The following KLHL5 variants were observed in gnomAD, a reference collection of about 807,000 sequenced individuals.
KLHL5 encodes kelch like family member 5.
KLHL5 carries 48 observed loss-of-function variants against 77.7 expected under a neutral mutation model. That is an observed-to-expected ratio of 0.62 (90% confidence interval 0.49 to 0.79). The LOEUF (loss-of-function observed/expected upper bound fraction) is 0.79, where lower values mean the gene tolerates loss of function less well. Ranked by LOEUF, KLHL5 falls within the 30% of genes least tolerant of loss-of-function variation. The pLI is 0.00. For synonymous variants in KLHL5, 260 were observed against 297.0 expected, an observed-to-expected ratio of 0.88 and a Z score of 1.28; for missense variants, 723 against 859.7, an observed-to-expected ratio of 0.84 and a Z score of 1.99.
intron 1 of KLHL5, among the ~76,000 whole-genome samples, chr4:39,074,867 C>T (rs1032083340): frequency 6.6e-5 from 10 of 152,152 alleles, no homozygotes; most frequent in Non-Finnish European, 1.3e-4. Flanking sequence ...ATGGCACAGT[C>T]ACTGGTTTTA....
intron 4 of KLHL5, among the ~76,000 whole-genome samples, chr4:39,083,642 C>T (rs568526783): frequency 2.0e-5 from 3 of 152,252 alleles, no homozygotes; most frequent in East Asian, 1.9e-4. Flanking sequence ...AACCATACAC[C>T]TGCAGTTTCA....
At chr4:39,078,417 G>A (rs1305146448) in intron 2 of KLHL5, among the ~76,000 whole-genome samples, 1 of 150,790 alleles carries the variant, frequency 6.6e-6, no homozygotes, top group African/African-American at 2.4e-5. Flanking sequence ...AATAGGCCAG[G>A]CTTGGTAGGC....
intron 4 of KLHL5, among the ~76,000 whole-genome samples, chr4:39,082,589 A>G (rs1371660663): frequency 6.6e-6 from 1 of 152,222 alleles, no homozygotes. Context: ...AAATCTGACT[A>G]TGTATAAACT....
chr4:39,071,504 T>C (rs1021313874), intron 1 of KLHL5, among the ~76,000 whole-genome samples: 3 of 152,216 alleles, frequency 2.0e-5, no homozygotes, highest in Non-Finnish European at 4.4e-5. Context: ...GGCCATGGTG[T>C]GTATTGTGTG....
chr4:39,085,428 A>G lies in KLHL5; in HGVS notation c.901-1087A>G, dbSNP rs1273838787. On this transcript the variant is annotated intron_variant, in intron 4 of 10. Coordinates refer to ENST00000504108, the MANE Select transcript of KLHL5 (RefSeq NM_015990.5). ...ATAGTTATTGATAGTCCTTATTTCTAGCTCTAATTTAAACAGCTTTAGCTT... is the reference window on the plus strand; with the variant it reads ...ATAGTTATTGATAGTCCTTATTTCTGGCTCTAATTTAAACAGCTTTAGCTT... Among the ~76,000 whole-genome samples the G allele has an allele frequency of 2.0e-5, 3 of 152,172 alleles. No individual in the cohort carries two copies. In the East Asian group the frequency reaches 5.8e-4, roughly 29 times the overall value.
intron 1 of KLHL5, chr4:39,063,784 A>G (rs1269564794): frequency 1.1e-5 from 2 of 176,386 alleles, no homozygotes; most frequent in African/African-American, 4.7e-5. Context: ...GAAAGAAAAT[A>G]AGGAAAAAAA....
intron 1 of KLHL5, chr4:39,045,165 C>A (rs2110094470): frequency 1.0e-6 from 1 of 984,152 alleles, no homozygotes; most frequent in East Asian, 1.1e-4. Flanking sequence ...CCCGCCCCCA[C>A]GCGACTCTCA....
In KLHL5 at chr4:39,125,025, C is replaced by T. The variant is rs1723449863; in HGVS notation, c.*3959C>T. ...GCAAAGGACTTAAATAGACATTTCTCTAATGAAGATATACAAATGGCCGAC... is the reference window on the plus strand; with the variant it reads ...GCAAAGGACTTAAATAGACATTTCTTTAATGAAGATATACAAATGGCCGAC... On this transcript the variant is annotated 3_prime_UTR_variant, in exon 11 of 11. Coordinates refer to ENST00000504108, the MANE Select transcript of KLHL5 (RefSeq NM_015990.5). Among the ~76,000 whole-genome samples the T allele has an allele frequency of 1.3e-5, 2 of 152,050 alleles. No homozygotes were observed. Among genetic ancestry groups the T allele is most frequent in the Admixed American group, 1.3e-4 (2 of 15,244 alleles).
At chr4:39,140,293 C>G in the KLHL5 span, among the ~76,000 whole-genome samples, 1 of 152,122 alleles carries the variant, frequency 6.6e-6, no homozygotes, top group Non-Finnish European at 1.5e-5. Flanking sequence ...AATCCTTTCG[C>G]TATAAAGGAC....
At position 39,086,777 on chromosome 4, in the gene KLHL5, A is replaced by G. The variant is rs372768575; in HGVS notation, c.1113+50A>G. The G allele has an allele frequency of 3.7e-6, 5 of 1,355,064 alleles. No individual in the cohort carries two copies. The African/African-American group carries it at 7.2e-5, about 20-fold the overall frequency. The allele number at this position is 1,355,064 out of a possible 1,614,324, so 83.9% of individuals were successfully genotyped here. On this transcript the variant is annotated intron_variant, in intron 5 of 10. Transcript: ENST00000504108. ...GGAATTTTTCTTTGCCTATTCTATC[A>G]AAGAAAATAATTGTACATGTATTCC...
At position 39,113,183 on chromosome 4, in the gene KLHL5, G is replaced by A. The variant is rs1722584371; in HGVS notation, c.1852G>A (p.Asp618Asn). ...NGLLYAIGGHDAPASNLTSRL... is the reference protein window; with the variant it reads ...NGLLYAIGGHNAPASNLTSRL... Reference sequence around the variant, plus strand: ...ACTGCTGTATGCTATAGGGGGGCACGATGCTCCCGCATCCAACTTGACTTC... The same window carrying A: ...ACTGCTGTATGCTATAGGGGGGCACAATGCTCCCGCATCCAACTTGACTTC... Residue 618 changes from aspartate to asparagine, a missense_variant, in exon 9 of 11, where the codon GAT becomes AAT. Physicochemically the swap from Asp to Asn is conservative, Grantham distance 23. This residue lies in a region of KLHL5 where 214 missense variants were observed against 237.4 expected (regional missense o/e 0.90). Coordinates refer to ENST00000504108, the MANE Select transcript of KLHL5 (RefSeq NM_015990.5). 1 of 1,614,048 alleles carries A rather than the reference G, an allele frequency of 6.2e-7. No homozygotes were observed. The highest frequency in any genetic ancestry group is 2.2e-5 in the East Asian group (1 of 44,884).
rs558701394 is a variant in KLHL5, at chr4:39,125,389, G to A, written c.*4323G>A. On this transcript the variant is annotated 3_prime_UTR_variant, in exon 11 of 11. Coordinates refer to ENST00000504108, the MANE Select transcript of KLHL5 (RefSeq NM_015990.5). ...CAGGTGTTCAAGCAAAAACTTTCACGCAAATATTCATTGCAGCACTAGTCA... is the reference window on the plus strand; with the variant it reads ...CAGGTGTTCAAGCAAAAACTTTCACACAAATATTCATTGCAGCACTAGTCA... Among the ~76,000 whole-genome samples, 39 of 152,202 alleles carry A rather than the reference G, an allele frequency of 2.6e-4. No homozygotes were observed. The South Asian group carries it at 8.1e-3, about 32-fold the overall frequency.
intron 6 of KLHL5, among the ~76,000 whole-genome samples, chr4:39,099,114 C>A (rs1190742525): frequency 6.6e-6 from 1 of 151,992 alleles, no homozygotes; most frequent in Non-Finnish European, 1.5e-5. Context: ...GAAACCCCAT[C>A]TCTACTAAAA....
At chr4:39,102,503 A>C (rs1392675530) in intron 6 of KLHL5, among the ~76,000 whole-genome samples, 1 of 85,162 alleles carries the variant, frequency 1.2e-5, no homozygotes, top group Non-Finnish European at 2.4e-5. Flanking sequence ...TGCTTATTGC[A>C]GTAGAATATG....
At chr4:39,133,501 G>A in the KLHL5 span, among the ~76,000 whole-genome samples, 1 of 151,442 alleles carries the variant, frequency 6.6e-6, no homozygotes, top group African/African-American at 2.4e-5. Context: ...GGGAGGCTGA[G>A]GCAGGAGGAT....
At chr4:39,076,728 C>T (rs1719078196) in intron 2 of KLHL5, among the ~76,000 whole-genome samples, 1 of 148,490 alleles carries the variant, frequency 6.7e-6, no homozygotes, top group South Asian at 2.1e-4. Context: ...TTAATCACCA[C>T]TATGATTCTC....
At chr4:39,045,062 G>A in exon 1 of KLHL5, 1 of 989,484 alleles carries the variant, frequency 1.0e-6, no homozygotes, top group Non-Finnish European at 1.2e-6. Context: ...GCCCCGGCCC[G>A]CCGTGACCCA....
At chr4:39,137,541 G>A in the KLHL5 span, among the ~76,000 whole-genome samples, 1 of 152,128 alleles carries the variant, frequency 6.6e-6, no homozygotes, top group Non-Finnish European at 1.5e-5. Context: ...GGAAGATTGA[G>A]CCCAGGAGGT....
chr4:39,113,498 G>C (rs953856865), intron 9 of KLHL5, among the ~76,000 whole-genome samples: 4 of 152,152 alleles, frequency 2.6e-5, no homozygotes, highest in Non-Finnish European at 5.9e-5. Context: ...ATGAATTTTA[G>C]GCAGAATGAC....
Sources: allele counts gnomAD v4.1 joint callset (sites outside exome capture counted in the v4.1 genomes callset), GRCh38; gene constraint gnomAD v4.1.1; regional missense constraint gnomAD v4.1.1; transcripts MANE v1.5; gene names NCBI Gene and HGNC (gene_info 2026-07-23, HGNC 2026-07-21).